Variants in ZNF699 observed in about 807,000 individuals in gnomAD.
The protein encoded by ZNF699 is zinc finger protein 699, also known as hangover homolog.
A neutral mutation model predicts 22.5 loss-of-function variants in ZNF699; 18 were observed. The observed-to-expected ratio is 0.80, with a 90% CI of 0.55 to 1.19. ZNF699 has a LOEUF of 1.19. ZNF699 is among the 50% of genes most tolerant of loss of function. The pLI is 0.00. For missense variants in ZNF699, 670 were observed against 763.4 expected (o/e 0.88, Z 1.44); for synonymous variants, 241 against 262.3 (o/e 0.92, Z 0.78).
intron 2 of ZNF699, among the ~76,000 whole-genome samples, chr19:9,303,979 A>T (rs958129426): frequency 2.0e-5 from 3 of 151,362 alleles, no homozygotes; most frequent in Admixed American, 6.6e-5. Context: ...TACCATGCCC[A>T]GCTACTTTTT....
Position 9,297,517 on chromosome 19 carries a change from G to A in ZNF699, c.287-38C>T. Reference sequence around the variant, plus strand: ...AAAGTGAAAGCTTCCATGAGCCAAGGACTTTTAGCAGAGTGACTATTTCAG... The same window carrying A: ...AAAGTGAAAGCTTCCATGAGCCAAGAACTTTTAGCAGAGTGACTATTTCAG... On this transcript the variant is annotated intron_variant, in intron 4 of 5. Coordinates refer to ENST00000591998, the MANE Select transcript of ZNF699 (RefSeq NM_198535.3). This position sits in a 1 kb window ranked among gnomAD's most constrained non-coding sequence, Gnocchi z 4.3. The A allele has an allele frequency of 6.6e-7, 1 of 1,511,086 alleles. No homozygotes were observed. The highest frequency in any genetic ancestry group is 8.8e-7 in the Non-Finnish European group (1 of 1,134,424). The allele number at this position is 1,511,086 out of a possible 1,614,324, so 93.6% of individuals were successfully genotyped here.
chr19:9,308,145 T>A lies in ZNF699; in HGVS notation c.-6+1205A>T, dbSNP rs560297025. Among the ~76,000 whole-genome samples the A allele has an allele frequency of 1.5e-4, 23 of 152,170 alleles. No homozygotes were observed. The East Asian group carries it at 1.9e-3, about 13-fold the overall frequency. On this transcript the variant is annotated intron_variant, in intron 1 of 5. Coordinates refer to ENST00000591998, the MANE Select transcript of ZNF699 (RefSeq NM_198535.3). ...TGACAAACTCAGCTTTTTAAAAAAA[T>A]TTTTTAATTTAATTTATTGTTTAAG...
In ZNF699 at chr19:9,296,544, C is replaced by G. The variant is rs1163235650; in HGVS notation, c.860G>C (p.Gly287Ala). The G allele has an allele frequency of 5.0e-6, 8 of 1,613,942 alleles. No individual in the cohort carries two copies. In the Admixed American group the frequency reaches 1.3e-4, roughly 27 times the overall value. Residue 287 changes from glycine to alanine, a missense_variant, in exon 6 of 6, where the codon GGT becomes GCT. Transcript: ENST00000591998. ...TNYECKECGK[G>A]FSCSSSLTEH... ...TGTGAGCGATGAGGAACAACTAAAA[C>G]CTTTCCCACATTCTTTACATTCATA...
intron 3 of ZNF699, 48 bp downstream of exon 3, chr19:9,302,330 T>C (rs1472325311): frequency 1.2e-6 from 2 of 1,607,136 alleles, no homozygotes; most frequent in African/African-American, 1.3e-5. Context: ...TTTAGTGAGA[T>C]AAAATAACTT....
Position 9,297,046 on chromosome 19 carries a change from T to C in ZNF699, c.471-113A>G, listed in dbSNP as rs2066289697. 2 of 952,878 alleles carry C rather than the reference T, an allele frequency of 2.1e-6. No individual in the cohort carries two copies. The highest frequency in any genetic ancestry group is 1.8e-5 in the South Asian group (1 of 54,546). 59.0% of individuals were successfully genotyped at this position (952,878 alleles called of 1,614,324 possible). On this transcript the variant is annotated intron_variant, in intron 5 of 5. Transcript: ENST00000591998. This position sits in a 1 kb window ranked among gnomAD's most constrained non-coding sequence, Gnocchi z 4.3. ...AGCTGAAAGTTTTCACAGAGGGCTC[T>C]ACGACAGCCAATACTGTCACTGAGT... is the stretch of plus-strand genomic sequence containing the variant.
rs947424850 is a variant in ZNF699 at position 9,293,351 on chromosome 19, G to A, written c.*2124C>T. 5.9e-5 allele frequency among the ~76,000 whole-genome samples: 9 copies of A among 152,056 alleles called. No individual in the cohort carries two copies. Among genetic ancestry groups the A allele is most frequent in the African/African-American group, 1.2e-4 (5 of 41,372 alleles). On this transcript the variant is annotated 3_prime_UTR_variant, in exon 6 of 6. Transcript: ENST00000591998. ...TCATGCATTGTTTTGGGGATTATTCGTGGAATCGATATTTTTTGAAAACTG... is the reference window on the plus strand; with the variant it reads ...TCATGCATTGTTTTGGGGATTATTCATGGAATCGATATTTTTTGAAAACTG...
chr19:9,307,741 G>A (rs2066332518), intron 1 of ZNF699, among the ~76,000 whole-genome samples: 1 of 152,064 alleles, frequency 6.6e-6, no homozygotes, highest in South Asian at 2.1e-4. Context: ...AAGGTCAGGA[G>A]TTCAAGACCA....
intron 2 of ZNF699, 148 bp downstream of exon 2, chr19:9,304,921 CAAA>C (rs34867149): frequency 0.023 from 6,868 of 304,456 alleles, 275 homozygotes; most frequent in African/African-American, 0.17. Context: ...GACTCTGTCT[CAAA>C]AAAAAAAAAA....
At chr19:9,300,921 A>T (rs972787521) in intron 3 of ZNF699, among the ~76,000 whole-genome samples, 2 of 152,214 alleles carry the variant, frequency 1.3e-5, no homozygotes, top group African/African-American at 4.8e-5. Context: ...ACCAAGAGTG[A>T]ACCCTAATGT....
chr19:9,300,295 T>C (rs1241979086), intron 3 of ZNF699, among the ~76,000 whole-genome samples: 2 of 152,212 alleles, frequency 1.3e-5, no homozygotes, highest in African/African-American at 4.8e-5. Flanking sequence ...TTAGCCAGGA[T>C]GGTCTCGATC....
At chr19:9,308,768 G>A (rs2066336693) in intron 1 of ZNF699, among the ~76,000 whole-genome samples, 1 of 152,208 alleles carries the variant, frequency 6.6e-6, no homozygotes, top group Admixed American at 6.5e-5. Flanking sequence ...GTCGGACATT[G>A]TACTGGAGGT....
chr19:9,301,749 TA>T (rs2066307979), intron 3 of ZNF699, among the ~76,000 whole-genome samples: 1 of 152,194 alleles, frequency 6.6e-6, no homozygotes, highest in Non-Finnish European at 1.5e-5. Context: ...CAGATAGCAG[TA>T]AAATCCTCAA....
chr19:9,293,801 T>C lies in ZNF699; in HGVS notation c.*1674A>G, dbSNP rs2066274848. ...AAAATAAAAAGTGATTATGGGGAAA[T>C]AGTAGAGTTATACTTTTAAAGAGAA... On this transcript the variant is annotated 3_prime_UTR_variant, in exon 6 of 6. Transcript: ENST00000591998. Among the ~76,000 whole-genome samples the C allele has an allele frequency of 6.6e-6, 1 of 151,704 alleles. No homozygotes were observed. Among genetic ancestry groups the C allele is most frequent in the South Asian group, 2.1e-4 (1 of 4,824 alleles).
Position 9,295,843 on chromosome 19 carries a change from G to A in ZNF699, c.1561C>T (p.His521Tyr), listed in dbSNP as rs2066283349. ...TTCTCTCCAGTGTGAGTTCTGATAT[G>A]TACTGTAAGGTGGGAGGAACTAATA... ...AFISSSHLTV[H>Y]IRTHTGEKPY... Residue 521 changes from histidine (H) to tyrosine (Y), a missense_variant, in exon 6 of 6, where the codon CAT (histidine) becomes TAT (tyrosine). By Grantham distance (83) the His-to-Tyr change is moderately conservative (BLOSUM62 2). Coordinates refer to ENST00000591998, the MANE Select transcript of ZNF699 (RefSeq NM_198535.3). The A allele has an allele frequency of 1.2e-6, 2 of 1,614,038 alleles. No individual in the cohort carries two copies. Among genetic ancestry groups the A allele is most frequent in the Non-Finnish European group, 1.7e-6 (2 of 1,180,030 alleles).
intron 1 of ZNF699, among the ~76,000 whole-genome samples, chr19:9,305,347 C>T (rs1167729988): frequency 1.3e-5 from 2 of 152,040 alleles, no homozygotes; most frequent in Non-Finnish European, 2.9e-5. Context: ...GTGGAACAAC[C>T]TTACGTCCCC....
At chr19:9,307,312 A>G (rs970689059) in intron 1 of ZNF699, among the ~76,000 whole-genome samples, 3 of 152,198 alleles carry the variant, frequency 2.0e-5, no homozygotes, top group African/African-American at 7.2e-5. Context: ...CCTTCGTTTC[A>G]TGTTTATTTA....
rs1421637739 is a variant in ZNF699 at position 9,307,589 on chromosome 19, T to C, written c.-6+1761A>G. 5.3e-5 allele frequency among the ~76,000 whole-genome samples: 8 copies of C among 152,276 alleles called. No homozygotes were observed. In the East Asian group the frequency reaches 1.5e-3, roughly 29 times the overall value. On this transcript the variant is annotated intron_variant, in intron 1 of 5. Transcript: ENST00000591998. ...TTAAAATAACTATTTCAGATCATGC[T>C]GGAATTTCAGAGGGTTTAGTATATC...
At position 9,308,681 on chromosome 19, in the gene ZNF699, CCT is replaced by C. The variant is rs2066336403; in HGVS notation, c.-6+667_-6+668del. Among the ~76,000 whole-genome samples the C allele has an allele frequency of 2.0e-5, 3 of 152,050 alleles. No homozygotes were observed. In the South Asian group the frequency reaches 6.2e-4, roughly 32 times the overall value. ...ACCTACAAACACCTACAGCAAACATCCTATTTAATGGTGAAATGATAGAATAA... is the reference window on the plus strand; with the variant it reads ...ACCTACAAACACCTACAGCAAACATCATTTAATGGTGAAATGATAGAATAA... On this transcript the variant is annotated intron_variant, in intron 1 of 5. Coordinates refer to ENST00000591998, the MANE Select transcript of ZNF699 (RefSeq NM_198535.3).
Position 9,297,062 on chromosome 19 carries a change from G to T in ZNF699, c.471-129C>A. 1 of 855,828 alleles carries T rather than the reference G, an allele frequency of 1.2e-6. No homozygotes were observed. The allele number at this position is 855,828 out of a possible 1,614,324, so 53.0% of individuals were successfully genotyped here. Reference sequence around the variant, plus strand: ...AGAGGGCTCTACGACAGCCAATACTGTCACTGAGTTATTGACTCACGGGAT... The same window carrying T: ...AGAGGGCTCTACGACAGCCAATACTTTCACTGAGTTATTGACTCACGGGAT... On this transcript the variant is annotated intron_variant, in intron 5 of 5. Transcript: ENST00000591998. This position sits in a 1 kb window ranked among gnomAD's most constrained non-coding sequence, Gnocchi z 4.3.
Sources: allele counts gnomAD v4.1 joint callset (sites outside exome capture counted in the v4.1 genomes callset), GRCh38; gene constraint gnomAD v4.1.1; non-coding constraint Gnocchi (gnomAD v3.1); transcripts MANE v1.5; gene names NCBI Gene and HGNC (gene_info 2026-07-23, HGNC 2026-07-21).